FIGN: variants seen among roughly 807,000 people sequenced by gnomAD.
FIGN encodes the protein fidgetin, microtubule severing factor.
FIGN carries 11 observed loss-of-function variants against 51.3 expected under a neutral mutation model. The observed-to-expected ratio is 0.21, with a 90% CI of 0.13 to 0.35. The LOEUF (loss-of-function observed/expected upper bound fraction) is 0.35, where lower values mean the gene tolerates loss of function less well. Ranked by LOEUF, FIGN falls within the 10% of genes least tolerant of loss-of-function variation. The pLI, the probability that FIGN is intolerant of heterozygous loss-of-function variation, is 1.00. For missense variants in FIGN, 857 were observed against 943.6 expected (o/e 0.91, Z 1.20); for synonymous variants, 407 against 363.2 (o/e 1.12, Z -1.37).
chr2:163,731,417 C>T (rs1684927127), intron 2 of FIGN, among the ~76,000 whole-genome samples: 1 of 152,074 alleles, frequency 6.6e-6, no homozygotes, highest in Admixed American at 6.6e-5. Context: ...TGGTTACACT[C>T]TTATATTATC....
chr2:163,668,382 A>C (rs978728460), intron 2 of FIGN, among the ~76,000 whole-genome samples: 3 of 152,200 alleles, frequency 2.0e-5, no homozygotes, highest in African/African-American at 4.8e-5. Context: ...CTAAGAGAAG[A>C]AACTATTTGA....
At chr2:163,618,680 T>C (rs549781678) in intron 2 of FIGN, among the ~76,000 whole-genome samples, 127 of 152,256 alleles carry the variant, frequency 8.3e-4, no homozygotes, top group African/African-American at 2.8e-3. Flanking sequence ...CATTCGTGCC[T>C]GGCAACAGCT....
intron 2 of FIGN, among the ~76,000 whole-genome samples, chr2:163,710,173 C>G (rs149545877): frequency 6.6e-6 from 1 of 152,042 alleles, no homozygotes; most frequent in Non-Finnish European, 1.5e-5. Context: ...AAATAAAATA[C>G]CCTCGATGCA....
chr2:163,650,589 G>A (rs1683457721), intron 2 of FIGN, among the ~76,000 whole-genome samples: 1 of 151,240 alleles, frequency 6.6e-6, no homozygotes, highest in African/African-American at 2.4e-5. Flanking sequence ...CCCTCCCTGT[G>A]TCCATGTGTT....
intron 2 of FIGN, 118 bp from the exon 3 acceptor site, chr2:163,611,924 A>ACCACC: frequency 2.2e-6 from 1 of 454,694 alleles, no homozygotes; most frequent in East Asian, 3.8e-5. Flanking sequence ...GCATACTTTA[A>ACCACC]AAGATCTACA....
intron 2 of FIGN, among the ~76,000 whole-genome samples, chr2:163,668,581 G>A (rs997840972): frequency 6.6e-6 from 1 of 152,154 alleles, no homozygotes; most frequent in African/African-American, 2.4e-5. Context: ...ATATTACATG[G>A]TAATAAAACA....
At chr2:163,676,343 A>G (rs1683963336) in intron 2 of FIGN, among the ~76,000 whole-genome samples, 1 of 149,798 alleles carries the variant, frequency 6.7e-6, no homozygotes, top group Non-Finnish European at 1.5e-5. Context: ...AAATTTCTCT[A>G]TCAAAGAAAA....
In FIGN at chr2:163,658,455, G is replaced by A. The variant is rs150978683; in HGVS notation, c.26-46649C>T. Among the ~76,000 whole-genome samples the A allele has an allele frequency of 8.3e-3, 1,255 of 150,728 alleles. 11 individuals are homozygous for A. Among genetic ancestry groups the A allele is most frequent in the Middle Eastern group, 0.024 (7 of 286 alleles). On this transcript the variant is annotated intron_variant, in intron 2 of 2. Coordinates refer to ENST00000333129, the MANE Select transcript of FIGN (RefSeq NM_018086.4). ...GGTATAAAGGAATACCTGAAACTAG[G>A]TCATTCATTTATAAAGAAAAAGGTT...
intron 2 of FIGN, among the ~76,000 whole-genome samples, chr2:163,661,888 C>G (rs13407038): frequency 6.6e-6 from 1 of 152,086 alleles, no homozygotes; most frequent in East Asian, 1.9e-4. Context: ...GTAAGTCCAA[C>G]TAAACCTCTT....
chr2:163,712,920 A>G (rs1351776277), intron 2 of FIGN, among the ~76,000 whole-genome samples: 2 of 152,220 alleles, frequency 1.3e-5, no homozygotes, highest in African/African-American at 2.4e-5. Context: ...AGTGCTTTCT[A>G]AAGTAAACGT....
At chr2:163,675,793 C>G (rs1238738458) in intron 2 of FIGN, among the ~76,000 whole-genome samples, 2 of 134,348 alleles carry the variant, frequency 1.5e-5, no homozygotes, top group East Asian at 4.3e-4. Context: ...TGTGGGAGGA[C>G]AGAAGATGAG....
intron 2 of FIGN, among the ~76,000 whole-genome samples, chr2:163,686,979 C>T (rs1684161175): frequency 6.6e-6 from 1 of 151,008 alleles, no homozygotes; most frequent in African/African-American, 2.4e-5. Flanking sequence ...AATATTAACA[C>T]ATTTTATATT....
chr2:163,620,880 T>TG (rs1553493488), intron 2 of FIGN, among the ~76,000 whole-genome samples: 1 of 149,872 alleles, frequency 6.7e-6, no homozygotes, highest in Non-Finnish European at 1.5e-5. Flanking sequence ...TGTGTGTGTG[T>TG]TCCATTTCAA....
At chr2:163,721,355 A>G (rs1684754236) in intron 2 of FIGN, among the ~76,000 whole-genome samples, 1 of 152,138 alleles carries the variant, frequency 6.6e-6, no homozygotes, top group Admixed American at 6.6e-5. Flanking sequence ...CTTTTAATCT[A>G]TATTTTAACA....
At chr2:163,696,623 T>C (rs190040889) in intron 2 of FIGN, among the ~76,000 whole-genome samples, 1 of 152,214 alleles carries the variant, frequency 6.6e-6, no homozygotes, top group East Asian at 1.9e-4. Flanking sequence ...TGAGATAGTG[T>C]TATGATCCTC....
intron 2 of FIGN, among the ~76,000 whole-genome samples, chr2:163,677,276 A>T (rs1232018529): frequency 6.6e-6 from 1 of 152,244 alleles, no homozygotes; most frequent in African/African-American, 2.4e-5. Context: ...CCTAAGCAAG[A>T]CATGCAAATA....
At chr2:163,679,932 A>G (rs1684035951) in intron 2 of FIGN, among the ~76,000 whole-genome samples, 1 of 152,234 alleles carries the variant, frequency 6.6e-6, no homozygotes, top group African/African-American at 2.4e-5. Context: ...ACTTTCTTTG[A>G]TAAGTGAGAA....
chr2:163,655,369 C>T (rs884114), intron 2 of FIGN, among the ~76,000 whole-genome samples: 5,153 of 152,182 alleles, frequency 0.034, 147 homozygotes, highest in Middle Eastern at 0.086. Flanking sequence ...AATTCTCAAA[C>T]GATGTGCTAT....
intron 2 of FIGN, among the ~76,000 whole-genome samples, chr2:163,666,119 A>G (rs982584754): frequency 6.6e-6 from 1 of 152,160 alleles, no homozygotes; most frequent in African/African-American, 2.4e-5. Context: ...ATATTACTCT[A>G]TCAGATTCTG....
Sources: allele counts gnomAD v4.1 joint callset (sites outside exome capture counted in the v4.1 genomes callset), GRCh38; gene constraint gnomAD v4.1.1; transcripts MANE v1.5; gene names NCBI Gene and HGNC (gene_info 2026-07-23, HGNC 2026-07-21).